The following PDE4B variants were observed in gnomAD, a reference collection of about 807,000 sequenced individuals.
PDE4B encodes the protein 3',5'-cyclic-AMP phosphodiesterase 4B.
A neutral mutation model predicts 82.2 loss-of-function variants in PDE4B; 20 were observed. The observed-to-expected ratio is 0.24, with a 90% confidence interval of 0.17 to 0.35. PDE4B has a LOEUF of 0.35. Ranked by LOEUF, PDE4B falls within the 10% of genes least tolerant of loss-of-function variation. The pLI is 1.00. For synonymous variants in PDE4B, 320 were observed against 318.9 expected (o/e 1.00, Z -0.04); for missense variants, 655 against 907.2 (o/e 0.72, Z 3.57).
intron 7 of PDE4B, among the ~76,000 whole-genome samples, chr1:66,304,428 A>G (rs1658127317): frequency 6.6e-6 from 1 of 152,118 alleles, no homozygotes; most frequent in East Asian, 1.9e-4. Context: ...CCTTCTGGAA[A>G]TCTTTCCTAT....
At chr1:65,828,919 C>T (rs1437819494) in intron 1 of PDE4B, among the ~76,000 whole-genome samples, 4 of 152,086 alleles carry the variant, frequency 2.6e-5, no homozygotes, top group Middle Eastern at 3.4e-3. Flanking sequence ...AACAAATAGA[C>T]GACAGCTAGC....
chr1:66,150,079 T>C (rs768506078), intron 3 of PDE4B, among the ~76,000 whole-genome samples: 7 of 152,168 alleles, frequency 4.6e-5, no homozygotes, highest in Non-Finnish European at 8.8e-5. Context: ...TGAGTTTATA[T>C]CTGGACTCTC....
intron 3 of PDE4B, among the ~76,000 whole-genome samples, chr1:66,035,824 T>A (rs1483656327): frequency 2.6e-5 from 4 of 152,214 alleles, no homozygotes; most frequent in Non-Finnish European, 5.9e-5. Context: ...GACATCTCTT[T>A]GGCATACTAA....
intron 1 of PDE4B, among the ~76,000 whole-genome samples, chr1:65,864,930 T>G (rs1646494491): frequency 1.3e-5 from 2 of 152,186 alleles, no homozygotes; most frequent in Admixed American, 1.3e-4. Context: ...TCAGCTGCTC[T>G]CCTCAGAGCC....
chr1:65,887,338 A>G (rs796352238), intron 1 of PDE4B, among the ~76,000 whole-genome samples: 1 of 14,802 alleles, frequency 6.8e-5, no homozygotes, highest in African/African-American at 3.5e-4. Context: ...CTTTTCTTTC[A>G]TTTTCTTTCT....
intron 3 of PDE4B, among the ~76,000 whole-genome samples, chr1:66,227,520 T>C (rs1218928555): frequency 6.6e-6 from 1 of 152,204 alleles, no homozygotes; most frequent in South Asian, 2.1e-4. Flanking sequence ...TTAGGGATTA[T>C]TTATTGAACA....
chr1:65,926,125 A>G (rs1045444267), intron 3 of PDE4B, among the ~76,000 whole-genome samples: 1 of 152,186 alleles, frequency 6.6e-6, no homozygotes, highest in African/African-American at 2.4e-5. Flanking sequence ...CATCAGACTA[A>G]TATTAACTTT....
intron 3 of PDE4B, among the ~76,000 whole-genome samples, chr1:65,959,394 GTAC>G (rs1165166931): frequency 6.6e-6 from 1 of 152,008 alleles, no homozygotes; most frequent in Non-Finnish European, 1.5e-5. Context: ...AATAGGTAGG[GTAC>G]TATTTTGACA....
intron 1 of PDE4B, among the ~76,000 whole-genome samples, chr1:65,795,201 A>G (rs1219215094): frequency 2.0e-5 from 3 of 152,236 alleles, no homozygotes; most frequent in African/African-American, 7.2e-5. Flanking sequence ...TACAAATGCA[A>G]TATTTAAAAT....
At chr1:65,930,072 G>A (rs531763447) in intron 3 of PDE4B, among the ~76,000 whole-genome samples, 27 of 152,314 alleles carry the variant, frequency 1.8e-4, no homozygotes, top group African/African-American at 5.8e-4. Flanking sequence ...AGCAAGGAGA[G>A]TGAGTCTGAG....
At chr1:66,096,623 T>C (rs1645126863) in intron 3 of PDE4B, among the ~76,000 whole-genome samples, 1 of 149,706 alleles carries the variant, frequency 6.7e-6, no homozygotes, top group African/African-American at 2.4e-5. Context: ...TATTTTTATA[T>C]ATCAAGTAAG....
At chr1:65,861,949 G>T (rs545401154) in intron 1 of PDE4B, among the ~76,000 whole-genome samples, 15 of 152,160 alleles carry the variant, frequency 9.9e-5, no homozygotes, top group African/African-American at 3.6e-4. Context: ...GAGTTTTTGG[G>T]CTGAAATGAT....
chr1:66,088,770 T>C (rs1041660028), intron 3 of PDE4B, among the ~76,000 whole-genome samples: 22 of 152,226 alleles, frequency 1.4e-4, no homozygotes, highest in African/African-American at 5.3e-4. Context: ...ATCCCTCCTC[T>C]TCCCCCATCT....
chr1:65,998,134 A>G (rs1458627652), intron 3 of PDE4B, among the ~76,000 whole-genome samples: 1 of 152,228 alleles, frequency 6.6e-6, no homozygotes, highest in African/African-American at 2.4e-5. Flanking sequence ...TTAAGCATAT[A>G]AAACCCCCTG....
Position 65,935,245 on chromosome 1 carries a change from C to T in PDE4B, c.281+16410C>T, listed in dbSNP as rs138984581. ...TCACAAATATGTGGAAATTAACACA[C>T]TCCCGATATCCTAGTATTCTTCGCT... On this transcript the variant is annotated intron_variant, in intron 3 of 16. Coordinates refer to ENST00000341517, the MANE Select transcript of PDE4B (RefSeq NM_002600.4). 7.5e-3 allele frequency among the ~76,000 whole-genome samples: 1,144 copies of T among 152,108 alleles called. 6 individuals are homozygous for T. The highest frequency in any genetic ancestry group is 0.012 in the Non-Finnish European group (823 of 68,006).
chr1:65,885,833 A>C (rs957596376), intron 1 of PDE4B, among the ~76,000 whole-genome samples: 4 of 150,186 alleles, frequency 2.7e-5, no homozygotes, highest in African/African-American at 7.3e-5. Context: ...CATGTTGTGC[A>C]CATGTACCCT....
At chr1:65,830,748 G>A (rs1380172218) in intron 1 of PDE4B, among the ~76,000 whole-genome samples, 2 of 152,096 alleles carry the variant, frequency 1.3e-5, no homozygotes, top group African/African-American at 4.8e-5. Context: ...ATGTGATCCT[G>A]GAATAGAGAA....
At position 66,104,215 on chromosome 1, in the gene PDE4B, T is replaced by C. The variant is rs567152789; in HGVS notation, c.282-143245T>C. 2.6e-3 allele frequency among the ~76,000 whole-genome samples: 397 copies of C among 152,064 alleles called. 1 individual carries two copies. The highest frequency in any genetic ancestry group is 9.1e-3 in the African/African-American group (376 of 41,478). On this transcript the variant is annotated intron_variant, in intron 3 of 16. Coordinates refer to ENST00000341517, the MANE Select transcript of PDE4B (RefSeq NM_002600.4). ...TTGGTTTTTTGTTCTTGCGATAGTT[T>C]ACTGAGAATGATGATTTCCAATTTC...
rs530352647 is a variant in PDE4B, at chr1:65,858,387, A to G, written c.-70-54858A>G. ...CTAATACTACCATTGTACATACCTG[A>G]TTTATAATCTTTTTTACACAAGAAA... On this transcript the variant is annotated intron_variant, in intron 1 of 16. Transcript: ENST00000341517. Among the ~76,000 whole-genome samples, 40 of 152,304 alleles carry G rather than the reference A, an allele frequency of 2.6e-4. No individual in the cohort carries two copies. The South Asian group carries it at 8.1e-3, about 31-fold the overall frequency.
Sources: allele counts gnomAD v4.1 joint callset (sites outside exome capture counted in the v4.1 genomes callset), GRCh38; gene constraint gnomAD v4.1.1; transcripts MANE v1.5; gene names NCBI Gene and HGNC (gene_info 2026-07-23, HGNC 2026-07-21).